RNF13: variants seen among roughly 807,000 people sequenced by gnomAD.
The protein encoded by RNF13 is E3 ubiquitin-protein ligase RNF13.
Under a neutral mutation model 37.7 loss-of-function variants are expected in RNF13, and 19 were observed. The observed-to-expected ratio is 0.50, with a 90% CI of 0.35 to 0.74. The LOEUF is 0.74. RNF13 is among the 30% of genes least tolerant of loss of function. RNF13 has a pLI of 0.01. For missense variants in RNF13, 375 were observed against 453.0 expected (o/e 0.83, Z 1.56); for synonymous variants, 144 against 157.8 (o/e 0.91, Z 0.65).
At chr3:149,929,059 G>A (rs1718926714) in intron 8 of RNF13, among the ~76,000 whole-genome samples, 1 of 152,062 alleles carries the variant, frequency 6.6e-6, no homozygotes, top group Non-Finnish European at 1.5e-5. Context: ...ATATAGCTCT[G>A]GTAGCTTTCT....
chr3:149,908,072 T>C (rs151181870), intron 6 of RNF13, among the ~76,000 whole-genome samples: 33 of 152,364 alleles, frequency 2.2e-4, no homozygotes, highest in Non-Finnish European at 3.7e-4. Flanking sequence ...TTGGTCCGAT[T>C]AGCATTTCTT....
chr3:149,939,693 A>G, intron 8 of RNF13: 1 of 809,500 alleles, frequency 1.2e-6, no homozygotes, highest in South Asian at 1.3e-5. Context: ...CATTTTCATC[A>G]TTATTCACCT....
chr3:149,939,075 G>A, intron 8 of RNF13: 1 of 498,246 alleles, frequency 2.0e-6, no homozygotes, highest in South Asian at 1.5e-5. Flanking sequence ...TTGATGAACT[G>A]CTTGCATTTT....
chr3:149,865,885 G>A (rs575562878), intron 3 of RNF13, among the ~76,000 whole-genome samples: 165 of 151,976 alleles, frequency 1.1e-3, no homozygotes, highest in African/African-American at 3.9e-3. Flanking sequence ...AGAATTCAGG[G>A]TGAGTCTATA....
At chr3:149,956,922 ACT>A (rs1721926398) in intron 8 of RNF13, among the ~76,000 whole-genome samples, 1 of 152,060 alleles carries the variant, frequency 6.6e-6, no homozygotes, top group South Asian at 2.1e-4. Context: ...GCCAGCCGCA[ACT>A]CTCAGTTATG....
At chr3:149,900,470 A>C (rs1280512407) in intron 5 of RNF13, among the ~76,000 whole-genome samples, 1 of 152,092 alleles carries the variant, frequency 6.6e-6, no homozygotes, top group Non-Finnish European at 1.5e-5. Flanking sequence ...GCTACTTGGG[A>C]GGCTGAGACA....
intron 8 of RNF13, among the ~76,000 whole-genome samples, chr3:149,922,217 C>T (rs1265493468): frequency 6.6e-6 from 1 of 152,192 alleles, no homozygotes; most frequent in Non-Finnish European, 1.5e-5. Flanking sequence ...TGTGATCCAT[C>T]CACCTCGGCC....
intron 8 of RNF13, among the ~76,000 whole-genome samples, chr3:149,953,478 C>T (rs1378111388): frequency 6.6e-6 from 1 of 152,124 alleles, no homozygotes; most frequent in African/African-American, 2.4e-5. Context: ...TGGTCTTCAT[C>T]CCTTCTTTGT....
At chr3:149,933,585 CTTT>C (rs36076578) in intron 8 of RNF13, among the ~76,000 whole-genome samples, 12 of 134,664 alleles carry the variant, frequency 8.9e-5, no homozygotes, top group Non-Finnish European at 1.3e-4. Flanking sequence ...TTTCTTTCTT[CTTT>C]TTTTTTTTTT....
intron 3 of RNF13, among the ~76,000 whole-genome samples, chr3:149,868,745 T>C (rs2108434879): frequency 6.6e-6 from 1 of 151,830 alleles, no homozygotes; most frequent in African/African-American, 2.4e-5. Context: ...GTATATCATT[T>C]TCTTCTTTTT....
At chr3:149,869,844 C>G (rs1711808055) in intron 3 of RNF13, among the ~76,000 whole-genome samples, 2 of 151,762 alleles carry the variant, frequency 1.3e-5, no homozygotes, top group African/African-American at 4.8e-5. Context: ...TCCTTTTTGG[C>G]TATAGGTGAT....
intron 4 of RNF13, among the ~76,000 whole-genome samples, chr3:149,874,261 T>G (rs552666355): frequency 6.6e-6 from 1 of 152,314 alleles, no homozygotes; most frequent in South Asian, 2.1e-4. Context: ...TTGTCAGAGT[T>G]GTATAAATTT....
At chr3:149,837,770 C>T (rs1721772661) in intron 1 of RNF13, among the ~76,000 whole-genome samples, 1 of 152,072 alleles carries the variant, frequency 6.6e-6, no homozygotes, top group Admixed American at 6.5e-5. Context: ...GTCATTCTGC[C>T]CTGGCCCCTC....
At chr3:149,912,582 A>G (rs907316177) in intron 7 of RNF13, among the ~76,000 whole-genome samples, 3 of 152,178 alleles carry the variant, frequency 2.0e-5, no homozygotes, top group Non-Finnish European at 2.9e-5. Flanking sequence ...AGTAAGATGT[A>G]TTGATGGGTA....
chr3:149,896,314 G>C (rs1388074689), intron 5 of RNF13, among the ~76,000 whole-genome samples: 1 of 152,052 alleles, frequency 6.6e-6, no homozygotes, highest in Admixed American at 6.5e-5. Context: ...TTTCAGGGTA[G>C]AGCAAAGTAT....
At chr3:149,895,078 G>A (rs1715099449) in intron 4 of RNF13, among the ~76,000 whole-genome samples, 1 of 152,190 alleles carries the variant, frequency 6.6e-6, no homozygotes, top group South Asian at 2.1e-4. Context: ...GATCAAGCTA[G>A]TGATATGAAT....
chr3:149,932,094 C>G (rs181980576), intron 8 of RNF13, among the ~76,000 whole-genome samples: 72 of 152,196 alleles, frequency 4.7e-4, no homozygotes, highest in African/African-American at 1.7e-3. Flanking sequence ...TTGATAGACA[C>G]TTAGGTTGAT....
chr3:149,835,501 T>G (rs1184508377), intron 1 of RNF13, among the ~76,000 whole-genome samples: 1 of 152,152 alleles, frequency 6.6e-6, no homozygotes, highest in Admixed American at 6.5e-5. Context: ...TAGCTCCCAC[T>G]AACGAGTGAG....
intron 1 of RNF13, among the ~76,000 whole-genome samples, chr3:149,814,935 T>TC (rs1489980628): frequency 7.2e-6 from 1 of 139,016 alleles, no homozygotes; most frequent in East Asian, 2.0e-4. Context: ...TTTTATTAGT[T>TC]TTTTTTTTTT....
Sources: allele counts gnomAD v4.1 joint callset (sites outside exome capture counted in the v4.1 genomes callset), GRCh38; gene constraint gnomAD v4.1.1; transcripts MANE v1.5; gene names NCBI Gene and HGNC (gene_info 2026-07-23, HGNC 2026-07-21).